Variants in THADA observed in about 807,000 individuals in gnomAD.
The protein encoded by THADA is tRNA (32-2'-O)-methyltransferase regulator THADA.
A neutral mutation model predicts 219.8 loss-of-function variants in THADA; 213 were observed. The ratio of observed to expected loss-of-function variants is 0.97; its 90% CI spans 0.87 to 1.09. The LOEUF (loss-of-function observed/expected upper bound fraction) is 1.09, where lower values mean the gene tolerates loss of function less well. THADA is among the 50% of genes least tolerant of loss of function. The pLI, the probability that THADA is intolerant of heterozygous loss-of-function variation, is 0.00. For missense variants in THADA, 2,956 were observed against 2,311.3 expected (o/e 1.28, Z -5.72); for synonymous variants, 1,018 against 828.9 (o/e 1.23, Z -3.92).
At chr2:43,435,332 G>C (rs948560964) in intron 26 of THADA, among the ~76,000 whole-genome samples, 1 of 152,024 alleles carries the variant, frequency 6.6e-6, no homozygotes, top group South Asian at 2.1e-4. Context: ...GGTGGTGCAC[G>C]CCTGTAATCC....
At position 43,324,018 on chromosome 2, in the gene THADA, T is replaced by A. The variant is rs538355808; in HGVS notation, c.4344-3478A>T. On this transcript the variant is annotated intron_variant, in intron 30 of 37. Coordinates refer to ENST00000405975, the MANE Select transcript of THADA (RefSeq NM_022065.5). ...TTCATGCTAACTGGGTGTTCCTTAG[T>A]GTAATAATTGACTGCCTGCTCCCAT... 1.1e-3 allele frequency among the ~76,000 whole-genome samples: 172 copies of A among 152,280 alleles called. 1 individual carries two copies. The highest frequency in any genetic ancestry group is 1.7e-3 in the Non-Finnish European group (117 of 68,022).
rs1435756338 is a variant in THADA at position 43,417,054 on chromosome 2, T to C, written c.4058+11046A>G. Among the ~76,000 whole-genome samples, 12 of 150,212 alleles carry C rather than the reference T, an allele frequency of 8.0e-5. No homozygotes were observed. In the South Asian group the frequency reaches 1.7e-3, roughly 21 times the overall value. On this transcript the variant is annotated intron_variant, in intron 28 of 37. Coordinates refer to ENST00000405975, the MANE Select transcript of THADA (RefSeq NM_022065.5). ...GCTGTTTTCTTTTTTTTTTTTTTTTTTTTTTGAGACGGAGTGGCTGTTTTC... is the reference window on the plus strand; with the variant it reads ...GCTGTTTTCTTTTTTTTTTTTTTTTCTTTTTGAGACGGAGTGGCTGTTTTC...
Position 43,398,012 on chromosome 2 carries a change from G to C in THADA, c.4186C>G (p.Gln1396Glu), listed in dbSNP as rs1674296185. The stretch of plus-strand genomic sequence containing the variant: ...TGAATGTGGTTTTGCCGGAAACACT[G>C]GTCAGTGCAGCTGGGGAGTGTGGAC... ...LLSTLPSCTD[Q>E]CFRQNHIHGT... Residue 1396 changes from glutamine (Q) to glutamate (E), a missense_variant, in exon 29 of 38, where the codon CAG (glutamine) becomes GAG (glutamate). Coordinates refer to ENST00000405975, the MANE Select transcript of THADA (RefSeq NM_022065.5). The C allele has an allele frequency of 6.2e-7, 1 of 1,613,848 alleles. No homozygotes were observed. The highest frequency in any genetic ancestry group is 1.3e-5 in the African/African-American group (1 of 74,928).
chr2:43,258,455 G>A (rs1486155259), intron 36 of THADA, among the ~76,000 whole-genome samples: 1 of 152,188 alleles, frequency 6.6e-6, no homozygotes, highest in African/African-American at 2.4e-5. Flanking sequence ...CTGGGAGGTG[G>A]AGGTTGTGGT....
chr2:43,380,690 T>A (rs1001824850), intron 29 of THADA, among the ~76,000 whole-genome samples: 1 of 152,184 alleles, frequency 6.6e-6, no homozygotes, highest in African/African-American at 2.4e-5. Context: ...TGCCCCAATC[T>A]TGGTTTCGAA....
chr2:43,563,861 C>T (rs1256084576), intron 15 of THADA: 1 of 152,140 alleles, frequency 6.6e-6, no homozygotes, highest in African/African-American at 2.4e-5. Flanking sequence ...CTTAAGCCTC[C>T]TTTAAAAGTA....
intron 36 of THADA, among the ~76,000 whole-genome samples, chr2:43,260,340 T>C (rs1001641722): frequency 2.0e-5 from 3 of 152,368 alleles, no homozygotes; most frequent in African/African-American, 7.2e-5. Flanking sequence ...ATTTTTTTCA[T>C]GCGTGTCCTG....
chr2:43,412,981 A>G (rs1219484756), intron 28 of THADA, among the ~76,000 whole-genome samples: 1 of 152,198 alleles, frequency 6.6e-6, no homozygotes, highest in East Asian at 1.9e-4. Flanking sequence ...GATGATAGGC[A>G]TGAGTGCATG....
Position 43,493,652 on chromosome 2 carries a change from C to T in THADA, c.3744+5181G>A, listed in dbSNP as rs1305486750. Among the ~76,000 whole-genome samples, 8 of 152,212 alleles carry T rather than the reference C, an allele frequency of 5.3e-5. No homozygotes were observed. In the South Asian group the frequency reaches 1.7e-3, roughly 32 times the overall value. On this transcript the variant is annotated intron_variant, in intron 25 of 37. Transcript: ENST00000405975. The stretch of plus-strand genomic sequence containing the variant: ...GATCAGGCCTCCCCTAGTCACTGAA[C>T]ATAATAAAGAGAGATGAGTGATATT...
chr2:43,402,500 G>A (rs986741835), intron 28 of THADA, among the ~76,000 whole-genome samples: 1 of 152,174 alleles, frequency 6.6e-6, no homozygotes, highest in South Asian at 2.1e-4. Flanking sequence ...CAGAGTGGGG[G>A]CTAAGCTTTT....
chr2:43,395,188 C>T (rs1673878560), intron 29 of THADA, among the ~76,000 whole-genome samples: 1 of 152,220 alleles, frequency 6.6e-6, no homozygotes, highest in Admixed American at 6.5e-5. Flanking sequence ...AAGAGTGGAT[C>T]TTCAGTAAAG....
chr2:43,358,985 T>G lies in THADA; in HGVS notation c.4228-14748A>C, dbSNP rs76498011. On this transcript the variant is annotated intron_variant, in intron 29 of 37. Coordinates refer to ENST00000405975, the MANE Select transcript of THADA (RefSeq NM_022065.5). ...AATGATTCCTCTAAGCCCCTAGGAA[T>G]GGAGATTTGGGTGGTTGCCCTTCCC... Among the ~76,000 whole-genome samples the G allele has an allele frequency of 2.1e-4, 32 of 152,322 alleles. No individual in the cohort carries two copies. The East Asian group carries it at 3.9e-3, about 18-fold the overall frequency.
At chr2:43,246,514 AC>A (rs1370749698) in intron 36 of THADA, among the ~76,000 whole-genome samples, 10 of 150,244 alleles carry the variant, frequency 6.7e-5, no homozygotes, top group African/African-American at 2.5e-4. Context: ...AAACAAACAA[AC>A]AAACAAAAAA....
chr2:43,540,842 T>A (rs1289605159), intron 21 of THADA, among the ~76,000 whole-genome samples: 1 of 152,170 alleles, frequency 6.6e-6, no homozygotes, highest in Non-Finnish European at 1.5e-5. Context: ...TTTTACTAAA[T>A]AAGACAATTT....
At chr2:43,288,525 G>C (rs1296975347) in intron 34 of THADA, among the ~76,000 whole-genome samples, 2 of 152,164 alleles carry the variant, frequency 1.3e-5, no homozygotes, top group African/African-American at 4.8e-5. Context: ...TGAGAATCTA[G>C]ATGAAGAGAC....
At chr2:43,544,470 T>C (rs556335327) in intron 20 of THADA, among the ~76,000 whole-genome samples, 17 of 152,232 alleles carry the variant, frequency 1.1e-4, no homozygotes, top group Admixed American at 3.9e-4. Flanking sequence ...TTGGGCAGTA[T>C]GGCCACTTTC....
Position 43,293,135 on chromosome 2 carries a change from G to A in THADA, c.4517C>T (p.Ala1506Val). The A allele has an allele frequency of 6.2e-7, 1 of 1,613,970 alleles. No homozygotes were observed. The highest frequency in any genetic ancestry group is 8.5e-7 in the Non-Finnish European group (1 of 1,179,878). Residue 1506 changes from alanine to valine, a missense_variant, in exon 32 of 38, where the codon GCC (alanine) becomes GTC (valine). By Grantham distance (64) the Ala-to-Val change is moderately conservative. Transcript: ENST00000405975. ...GSELITGFPW[A>V]FKVPGLPQYL... Reference sequence around the variant, plus strand: ...CTGGGGCAGGCCTGGCACCTTGAAGGCCCAAGGGAATCCCGTTATCAGCTC... The same window carrying A: ...CTGGGGCAGGCCTGGCACCTTGAAGACCCAAGGGAATCCCGTTATCAGCTC...
Position 43,425,442 on chromosome 2 carries a change from TTGTATGTGTG to T in THADA, c.4058+2648_4058+2657del, listed in dbSNP as rs1358823900. ...GCTACTACTGTCTAGCTTGTTAAAATTGTATGTGTGTGTGTGTGTGTGTGTGTGTGTGTGT... is the reference window on the plus strand; with the variant it reads ...GCTACTACTGTCTAGCTTGTTAAAATTGTGTGTGTGTGTGTGTGTGTGTGT... On this transcript the variant is annotated intron_variant, in intron 28 of 37. Transcript: ENST00000405975. 3.0e-3 allele frequency among the ~76,000 whole-genome samples: 343 copies of T among 112,874 alleles called. 3 individuals are homozygous for T. Among genetic ancestry groups the T allele is most frequent in the African/African-American group, 0.012 (332 of 27,170 alleles). 74.0% of individuals were successfully genotyped at this position (112,874 alleles called of 152,430 possible). A position where few individuals can be genotyped will look rare whatever the true frequency, so the allele number is the denominator to read the frequency against.
intron 36 of THADA, among the ~76,000 whole-genome samples, chr2:43,242,864 G>T (rs1422638024): frequency 1.3e-5 from 2 of 152,034 alleles, no homozygotes; most frequent in Admixed American, 6.5e-5. Flanking sequence ...TGGATGAACA[G>T]AATGATTATT....
Sources: allele counts gnomAD v4.1 joint callset (sites outside exome capture counted in the v4.1 genomes callset), GRCh38; gene constraint gnomAD v4.1.1; transcripts MANE v1.5; gene names NCBI Gene and HGNC (gene_info 2026-07-23, HGNC 2026-07-21).